TBC1D2: variants seen among roughly 807,000 people sequenced by gnomAD.
The protein encoded by TBC1D2 is TBC1 domain family member 2, also known as TBC1 domain family member 2A.
A neutral mutation model predicts 91.1 loss-of-function variants in TBC1D2; 58 were observed. The ratio of observed to expected loss-of-function variants is 0.64; its 90% CI spans 0.52 to 0.79. TBC1D2 has a LOEUF of 0.79. TBC1D2 is among the 30% of genes least tolerant of loss of function. The pLI is 0.00. For missense variants in TBC1D2, 1,080 were observed against 1,208.3 expected (o/e 0.89, Z 1.57); for synonymous variants, 482 against 511.5 (o/e 0.94, Z 0.78).
intron 9 of TBC1D2, among the ~76,000 whole-genome samples, chr9:98,205,513 G>T (rs1382755110): frequency 3.3e-5 from 5 of 152,150 alleles, no homozygotes; most frequent in African/African-American, 2.4e-5. Context: ...TTAGAGGCAG[G>T]GTCTGTCATC....
intron 3 of TBC1D2, among the ~76,000 whole-genome samples, chr9:98,243,509 C>T (rs954413729): frequency 6.6e-6 from 1 of 150,860 alleles, no homozygotes; most frequent in Non-Finnish European, 1.5e-5. Flanking sequence ...CTATAATGAA[C>T]ATGTACCACT....
At chr9:98,224,834 C>T (rs966613230) in intron 5 of TBC1D2, among the ~76,000 whole-genome samples, 5 of 152,022 alleles carry the variant, frequency 3.3e-5, no homozygotes, top group African/African-American at 4.8e-5. Flanking sequence ...GTGTATCTAA[C>T]GAGGTGACTC....
rs1828413170 is a variant in TBC1D2, at chr9:98,199,178, G to A, written c.*203C>T. On this transcript the variant is annotated 3_prime_UTR_variant, in exon 13 of 13. Coordinates refer to ENST00000465784, the MANE Select transcript of TBC1D2 (RefSeq NM_001267571.2). Reference sequence around the variant, plus strand: ...AAGGGTGGCATCCCTGGGTAAGTAAGTGCCTATGAAGAAGTAGCCCAACCA... The same window carrying A: ...AAGGGTGGCATCCCTGGGTAAGTAAATGCCTATGAAGAAGTAGCCCAACCA... 1 of 629,730 alleles carries A rather than the reference G, an allele frequency of 1.6e-6. No homozygotes were observed. 39.0% of individuals were successfully genotyped at this position (629,730 alleles called of 1,614,324 possible).
intron 11 of TBC1D2, among the ~76,000 whole-genome samples, chr9:98,201,027 A>AAG (rs1244600381): frequency 6.6e-6 from 1 of 151,890 alleles, no homozygotes; most frequent in African/African-American, 2.4e-5. Flanking sequence ...AAAAAAAAAA[A>AAG]AAAGAAAGAA....
At chr9:98,225,736 C>T (rs192721739) in intron 5 of TBC1D2, among the ~76,000 whole-genome samples, 33 of 152,338 alleles carry the variant, frequency 2.2e-4, no homozygotes, top group Admixed American at 9.1e-4. Context: ...CCTGGGGCCG[C>T]GCTTCATACC....
chr9:98,244,255 CA>C, intron 2 of TBC1D2, 126 bp from the exon 3 acceptor site: 1 of 1,244,566 alleles, frequency 8.0e-7, no homozygotes, highest in East Asian at 2.5e-5. Context: ...CAGGGGCAAG[CA>C]GGCCCTCCCT....
intron 6 of TBC1D2, among the ~76,000 whole-genome samples, chr9:98,216,375 C>G (rs966185119): frequency 1.3e-5 from 2 of 152,140 alleles, no homozygotes; most frequent in Admixed American, 1.3e-4. Context: ...TACAACAAGC[C>G]CCCCCGCAAG....
rs1829301772 is a variant in TBC1D2, at chr9:98,228,984, G to GA, written c.945dup (p.Leu316SerfsTer39). The GA allele has an allele frequency of 1.2e-6, 2 of 1,614,012 alleles. No individual in the cohort carries two copies. Among genetic ancestry groups the GA allele is most frequent in the East Asian group, 4.5e-5 (2 of 44,880 alleles). ...GACTTTAACTCCTTGGTGAGCATCA[G>GA]AACCTGTTGCTCCAAGGCTGCCACT... On this transcript the variant is annotated frameshift_variant, in exon 5 of 13. Coordinates refer to ENST00000465784, the MANE Select transcript of TBC1D2 (RefSeq NM_001267571.2). LOFTEE classifies it high-confidence loss of function. The surrounding 1 kb of genome is among the most constrained non-coding windows in gnomAD (Gnocchi z 4.0).
intron 2 of TBC1D2, among the ~76,000 whole-genome samples, chr9:98,249,437 G>A (rs995703114): frequency 1.3e-5 from 2 of 152,202 alleles, no homozygotes; most frequent in Non-Finnish European, 2.9e-5. Flanking sequence ...TCCCAGAGCC[G>A]TTCTTCCACA....
At position 98,243,942 on chromosome 9, in the gene TBC1D2, C is replaced by T. The variant is rs560855423; in HGVS notation, c.647+52G>A. Reference sequence around the variant, plus strand: ...GAGAATCACAGTGGGTCAAGCTCCACTGAAGGGGCTGCCTGCAGCTTGGCT... The same window carrying T: ...GAGAATCACAGTGGGTCAAGCTCCATTGAAGGGGCTGCCTGCAGCTTGGCT... On this transcript the variant is annotated intron_variant, in intron 3 of 12. Coordinates refer to ENST00000465784, the MANE Select transcript of TBC1D2 (RefSeq NM_001267571.2). 2.5e-6 allele frequency: 4 copies of T among 1,570,994 alleles called. No homozygotes were observed. The Admixed American group carries it at 5.7e-5, about 22-fold the overall frequency.
intron 12 of TBC1D2, 114 bp downstream of exon 12, chr9:98,200,139 A>G: frequency 7.0e-7 from 1 of 1,429,588 alleles, no homozygotes; most frequent in Non-Finnish European, 9.5e-7. Flanking sequence ...AAGCTATAAT[A>G]CGAGCATCAG....
intron 3 of TBC1D2, among the ~76,000 whole-genome samples, chr9:98,236,309 C>CA (rs1829503520): frequency 1.3e-5 from 2 of 151,920 alleles, no homozygotes. Context: ...CTGCAACCTC[C>CA]ACCTCCCAGG....
intron 2 of TBC1D2, among the ~76,000 whole-genome samples, chr9:98,248,111 C>T (rs1829803424): frequency 1.3e-5 from 2 of 152,182 alleles, no homozygotes; most frequent in South Asian, 2.1e-4. Context: ...CAGGTGACAC[C>T]GTTATAGACT....
chr9:98,204,579 A>G (rs2038250579), intron 9 of TBC1D2, among the ~76,000 whole-genome samples: 1 of 152,228 alleles, frequency 6.6e-6, no homozygotes, highest in South Asian at 2.1e-4. Context: ...GATTGGATTC[A>G]TGACCTCCAC....
intron 3 of TBC1D2, among the ~76,000 whole-genome samples, chr9:98,235,953 T>C (rs1379304131): frequency 6.6e-6 from 1 of 151,598 alleles, no homozygotes; most frequent in African/African-American, 2.4e-5. Flanking sequence ...GAGAATGGCA[T>C]GAACCTGGGA....
At chr9:98,234,344 A>G (rs1829450241) in intron 3 of TBC1D2, among the ~76,000 whole-genome samples, 1 of 152,220 alleles carries the variant, frequency 6.6e-6, no homozygotes, top group Non-Finnish European at 1.5e-5. Flanking sequence ...ACCTAAGATC[A>G]CAGACCACAG....
rs984293842 is a variant in TBC1D2 at position 98,228,233 on chromosome 9, A to G, written c.978+719T>C. The stretch of plus-strand genomic sequence containing the variant: ...CTAACTTAGTCGCTTTTATCACTCT[A>G]AAGAGGGGCTCCCGCCCGGAGCTGC... On this transcript the variant is annotated intron_variant, in intron 5 of 12. Transcript: ENST00000465784. The surrounding 1 kb of genome is among the most constrained non-coding windows in gnomAD (Gnocchi z 4.0). Among the ~76,000 whole-genome samples the G allele has an allele frequency of 6.6e-6, 1 of 152,142 alleles. No individual in the cohort carries two copies. The highest frequency in any genetic ancestry group is 1.5e-5 in the Non-Finnish European group (1 of 68,012).
At chr9:98,201,784 T>C (rs527517143) in intron 10 of TBC1D2, 120 bp from the exon 11 acceptor site, 2 of 1,030,960 alleles carry the variant, frequency 1.9e-6, no homozygotes, top group Non-Finnish European at 2.7e-6. Flanking sequence ...GGGCAGGTCC[T>C]TTCCTGCCCA....
intron 2 of TBC1D2, among the ~76,000 whole-genome samples, chr9:98,247,579 A>T (rs1056535636): frequency 2.0e-5 from 3 of 151,734 alleles, no homozygotes; most frequent in East Asian, 2.0e-4. Flanking sequence ...ATACAAAAAA[A>T]TTAGCCAGGC....
Sources: allele counts gnomAD v4.1 joint callset (sites outside exome capture counted in the v4.1 genomes callset), GRCh38; gene constraint gnomAD v4.1.1; non-coding constraint Gnocchi (gnomAD v3.1); transcripts MANE v1.5; gene names NCBI Gene and HGNC (gene_info 2026-07-23, HGNC 2026-07-21).